Variants in HPSE2 observed in about 807,000 individuals in gnomAD.
HPSE2 encodes the protein heparanase 2 (inactive).
Under a neutral mutation model 60.5 loss-of-function variants are expected in HPSE2, and 38 were observed. The ratio of observed to expected loss-of-function variants is 0.63; its 90% confidence interval spans 0.48 to 0.82. HPSE2 has a LOEUF of 0.82. Among genes scored for constraint, HPSE2 ranks in the 40% least tolerant of loss-of-function variants. The probability of loss-of-function intolerance (pLI) is 0.00; values close to 1 mark genes in which losing one functional copy is unlikely to be tolerated. For missense variants in HPSE2, 713 were observed against 740.4 expected (o/e 0.96, Z 0.43); for synonymous variants, 295 against 293.2 (o/e 1.01, Z -0.06).
At chr10:99,199,965 T>C (rs1445574998) in intron 2 of HPSE2, among the ~76,000 whole-genome samples, 2 of 152,142 alleles carry the variant, frequency 1.3e-5, no homozygotes, top group Non-Finnish European at 2.9e-5. Flanking sequence ...CCTTCATCAA[T>C]GTTTTGTAGT....
chr10:99,307,501 GC>G, the HPSE2 span, among the ~76,000 whole-genome samples: 2 of 152,186 alleles, frequency 1.3e-5, no homozygotes, highest in Non-Finnish European at 2.9e-5. Context: ...CAAGTGGCGT[GC>G]TGAAGTCCAC....
the HPSE2 span, among the ~76,000 whole-genome samples, chr10:99,267,782 A>AC: frequency 6.6e-6 from 1 of 151,838 alleles, no homozygotes; most frequent in South Asian, 2.1e-4. Context: ...TCCATCAAAA[A>AC]AAAAAAACAA....
chr10:99,036,445 T>C (rs1957611886), intron 3 of HPSE2, among the ~76,000 whole-genome samples: 1 of 151,994 alleles, frequency 6.6e-6, no homozygotes, highest in Non-Finnish European at 1.5e-5. Context: ...TGACCAAAGC[T>C]GGAACGATTT....
Position 98,603,439 on chromosome 10 carries a change from G to GTTTTTTT in HPSE2, c.1320+11458_1320+11464dup, listed in dbSNP as rs58750714. Among the ~76,000 whole-genome samples the GTTTTTTT allele has an allele frequency of 1.9e-4, 27 of 144,150 alleles. 1 individual carries two copies. The highest frequency in any genetic ancestry group is 4.1e-4 in the East Asian group (2 of 4,862). The allele number at this position is 144,150 out of a possible 152,430, so 94.6% of individuals were successfully genotyped here. The stretch of plus-strand genomic sequence containing the variant: ...ATACGCCAGAGCACTCTGTTTTTTT[G>GTTTTTTT]TTTTTTTTTTTGACAGAGTCTTGCT... On this transcript the variant is annotated intron_variant, in intron 9 of 11. Coordinates refer to ENST00000370552, the MANE Select transcript of HPSE2 (RefSeq NM_021828.5).
intron 9 of HPSE2, among the ~76,000 whole-genome samples, chr10:98,607,361 T>C (rs1476611061): frequency 2.0e-5 from 3 of 152,310 alleles, no homozygotes; most frequent in Non-Finnish European, 2.9e-5. Context: ...CTGGGAACAA[T>C]ATAAATGGCT....
At chr10:98,718,759 A>C (rs532282856) in intron 5 of HPSE2, among the ~76,000 whole-genome samples, 1 of 152,252 alleles carries the variant, frequency 6.6e-6, no homozygotes, top group Non-Finnish European at 1.5e-5. Context: ...GGAGGTAGAG[A>C]ATTGGTGGTA....
chr10:99,297,364 G>A, the HPSE2 span, among the ~76,000 whole-genome samples: 53 of 152,306 alleles, frequency 3.5e-4, no homozygotes, highest in South Asian at 8.5e-3. Context: ...AGTCAGCGCC[G>A]TTTCCACTCT....
At chr10:99,122,009 G>T (rs998299339) in intron 3 of HPSE2, among the ~76,000 whole-genome samples, 7 of 151,972 alleles carry the variant, frequency 4.6e-5, no homozygotes, top group Non-Finnish European at 1.0e-4. Flanking sequence ...TTTTAAGGTG[G>T]TAACAAGATA....
intron 3 of HPSE2, among the ~76,000 whole-genome samples, chr10:99,037,449 A>C (rs1019659785): frequency 1.3e-5 from 2 of 152,272 alleles, no homozygotes; most frequent in African/African-American, 4.8e-5. Flanking sequence ...GTATAAAATT[A>C]GTTTGAAATT....
chr10:99,175,988 T>G (rs1847511052), intron 2 of HPSE2, among the ~76,000 whole-genome samples: 1 of 152,046 alleles, frequency 6.6e-6, no homozygotes, highest in South Asian at 2.1e-4. Context: ...TGGCCTGGAG[T>G]GGACCTCCAG....
intron 3 of HPSE2, among the ~76,000 whole-genome samples, chr10:99,084,232 T>C (rs549259197): frequency 8.5e-5 from 13 of 152,208 alleles, no homozygotes; most frequent in African/African-American, 3.1e-4. Flanking sequence ...CAGAGAAGCA[T>C]TTGCTTTTCT....
intron 3 of HPSE2, among the ~76,000 whole-genome samples, chr10:99,112,372 T>C (rs1844496197): frequency 6.6e-6 from 1 of 152,146 alleles, no homozygotes; most frequent in African/African-American, 2.4e-5. Context: ...CCCGAGTAGC[T>C]AGGACTACAG....
chr10:99,186,104 C>CCACA (rs527839752), intron 2 of HPSE2, among the ~76,000 whole-genome samples: 13,040 of 80,314 alleles, frequency 0.16, 819 homozygotes, highest in Non-Finnish European at 0.2. Context: ...GGATAAATAA[C>CCACA]CACACACACA....
chr10:98,515,215 G>A (rs1393248405), intron 9 of HPSE2, among the ~76,000 whole-genome samples: 3 of 152,082 alleles, frequency 2.0e-5, no homozygotes, highest in African/African-American at 7.2e-5. Context: ...TAGGATCCAG[G>A]TACCATGGGT....
chr10:98,930,934 T>C (rs1166247506), intron 3 of HPSE2, among the ~76,000 whole-genome samples: 1 of 144,452 alleles, frequency 6.9e-6, no homozygotes, highest in African/African-American at 2.8e-5. Flanking sequence ...TTCACTCTGA[T>C]GATAGTTTCA....
chr10:98,699,962 A>T (rs1948355404), intron 5 of HPSE2, among the ~76,000 whole-genome samples: 1 of 147,550 alleles, frequency 6.8e-6, no homozygotes, highest in Admixed American at 6.9e-5. Flanking sequence ...TTCAAGGAGA[A>T]CTACAAACCA....
intron 3 of HPSE2, among the ~76,000 whole-genome samples, chr10:98,792,075 ATAATAT>A (rs1950666872): frequency 6.6e-6 from 1 of 152,208 alleles, no homozygotes; most frequent in Non-Finnish European, 1.5e-5. Context: ...AAAACTGAGT[ATAATAT>A]TGAGCTAAAC....
rs1369135682 is a variant in HPSE2, at chr10:99,229,547, T to C, written c.448+2801A>G. ...AAAAATAACTTACAAACATTACCTC[T>C]TAGAACCTTCAGAGAAGCAAGGTAC... On this transcript the variant is annotated intron_variant, in intron 2 of 11. Coordinates refer to ENST00000370552, the MANE Select transcript of HPSE2 (RefSeq NM_021828.5). 2.6e-5 allele frequency among the ~76,000 whole-genome samples: 4 copies of C among 152,192 alleles called. No individual in the cohort carries two copies. In the East Asian group the frequency reaches 7.7e-4, roughly 29 times the overall value.
At chr10:99,149,014 A>G (rs1469422722) in intron 2 of HPSE2, among the ~76,000 whole-genome samples, 1 of 151,960 alleles carries the variant, frequency 6.6e-6, no homozygotes, top group Non-Finnish European at 1.5e-5. Context: ...CCCCAAAACT[A>G]TTGAAGTTTA....
Sources: allele counts gnomAD v4.1 joint callset (sites outside exome capture counted in the v4.1 genomes callset), GRCh38; gene constraint gnomAD v4.1.1; transcripts MANE v1.5; gene names NCBI Gene and HGNC (gene_info 2026-07-23, HGNC 2026-07-21).